The following LDLRAD3 variants were observed in gnomAD, a reference collection of about 807,000 sequenced individuals.
The protein encoded by LDLRAD3 is low-density lipoprotein receptor class A domain-containing protein 3.
Under a neutral mutation model 29.4 loss-of-function variants are expected in LDLRAD3, and 20 were observed. The ratio of observed to expected loss-of-function variants is 0.68; its 90% CI spans 0.48 to 0.99. The LOEUF is 0.99. Ranked by LOEUF, LDLRAD3 falls within the 50% of genes least tolerant of loss-of-function variation. The pLI, the probability that LDLRAD3 is intolerant of heterozygous loss-of-function variation, is 0.00. For missense variants in LDLRAD3, 420 were observed against 454.3 expected (o/e 0.92, Z 0.69); for synonymous variants, 157 against 192.7 (o/e 0.81, Z 1.53).
At chr11:36,128,134 A>ATATATATATATATATATATATATATATG (rs1565242630) in intron 4 of LDLRAD3, among the ~76,000 whole-genome samples, 1 of 121,832 alleles carries the variant, frequency 8.2e-6, no homozygotes, top group African/African-American at 3.1e-5. Context: ...ATATATATAT[A>ATATATATATATATATATATATATATATG]TGTATATGAC....
chr11:36,132,648 CG>C (rs1384758525), intron 4 of LDLRAD3, among the ~76,000 whole-genome samples: 2 of 152,154 alleles, frequency 1.3e-5, no homozygotes, highest in African/African-American at 4.8e-5. Context: ...ATTTTTAATT[CG>C]GGTTTCAGGT....
intron 4 of LDLRAD3, among the ~76,000 whole-genome samples, chr11:36,114,293 G>A (rs549067390): frequency 6.6e-6 from 1 of 152,250 alleles, no homozygotes; most frequent in South Asian, 2.1e-4. Flanking sequence ...GAAATGGGTC[G>A]AGCTGCAACA....
intron 4 of LDLRAD3, among the ~76,000 whole-genome samples, chr11:36,168,824 T>C (rs573503501): frequency 6.6e-6 from 1 of 152,256 alleles, no homozygotes; most frequent in Non-Finnish European, 1.5e-5. Flanking sequence ...GAAATCAGAC[T>C]TCCAGATGTT....
chr11:36,221,230 A>G (rs1168928407), intron 4 of LDLRAD3, among the ~76,000 whole-genome samples: 1 of 152,070 alleles, frequency 6.6e-6, no homozygotes, highest in Non-Finnish European at 1.5e-5. Flanking sequence ...ATGCGCTTAT[A>G]ATCCCAGTTA....
At chr11:36,020,895 G>A (rs1852086616) in intron 1 of LDLRAD3, among the ~76,000 whole-genome samples, 2 of 152,204 alleles carry the variant, frequency 1.3e-5, no homozygotes, top group Admixed American at 1.3e-4. Context: ...CTGGAGCCAG[G>A]AAAGCCAGTA....
chr11:36,143,871 C>T (rs1006738505), intron 4 of LDLRAD3, among the ~76,000 whole-genome samples: 14 of 151,952 alleles, frequency 9.2e-5, no homozygotes, highest in Non-Finnish European at 2.1e-4. Context: ...ACCTTGCCTC[C>T]AAATGCAGTC....
chr11:36,033,842 G>A (rs564841415), intron 1 of LDLRAD3, among the ~76,000 whole-genome samples: 19 of 152,178 alleles, frequency 1.2e-4, no homozygotes, highest in African/African-American at 4.3e-4. Flanking sequence ...GTCTTGAGAG[G>A]GAGTCTCATA....
chr11:36,121,252 A>G lies in LDLRAD3; in HGVS notation c.454+22791A>G, dbSNP rs909508414. ...GGAGAAAATTAGGGGAATGAAATCC[A>G]TAGAAAGGGTTTGCCTAAGTGAGAG... is the stretch of plus-strand genomic sequence containing the variant. On this transcript the variant is annotated intron_variant, in intron 4 of 5. Transcript: ENST00000315571. 2.6e-5 allele frequency among the ~76,000 whole-genome samples: 4 copies of G among 152,194 alleles called. No homozygotes were observed. In the South Asian group the frequency reaches 8.3e-4, roughly 32 times the overall value.
At chr11:36,030,441 TGTGTGTG>T (rs1852222481) in intron 1 of LDLRAD3, among the ~76,000 whole-genome samples, 4 of 6,790 alleles carry the variant, frequency 5.9e-4, no homozygotes, top group African/African-American at 7.4e-4. Context: ...ATGGAGTGTG[TGTGTGTG>T]TGTGTGTGTG....
chr11:36,080,465 G>C (rs1392391323), intron 2 of LDLRAD3, among the ~76,000 whole-genome samples: 2 of 152,182 alleles, frequency 1.3e-5, no homozygotes, highest in African/African-American at 4.8e-5. Flanking sequence ...AGAGAGAGAG[G>C]CAATGCTGTT....
intron 4 of LDLRAD3, among the ~76,000 whole-genome samples, chr11:36,202,327 T>C (rs4755443): frequency 0.88 from 134,175 of 152,170 alleles, 59,306 homozygotes; most frequent in East Asian, 0.97. Flanking sequence ...TGTGAGCCAC[T>C]GCGCCTGGCA....
At position 35,951,031 on chromosome 11, in the gene LDLRAD3, C is replaced by T. The variant is rs528254724; in HGVS notation, c.46+6887C>T. ...CTGGGAAGTGGAGGTTGCAGTGAGC[C>T]GAGATCGTGCCACTGACTCCAGCCT... On this transcript the variant is annotated intron_variant, in intron 1 of 5. Transcript: ENST00000315571. 6.6e-5 allele frequency among the ~76,000 whole-genome samples: 10 copies of T among 151,748 alleles called. No individual in the cohort carries two copies. The South Asian group carries it at 1.3e-3, about 19-fold the overall frequency.
At chr11:36,042,581 C>T (rs1666640587) in intron 2 of LDLRAD3, among the ~76,000 whole-genome samples, 1 of 152,088 alleles carries the variant, frequency 6.6e-6, no homozygotes, top group Non-Finnish European at 1.5e-5. Context: ...GAATTATAGC[C>T]CAGCCTTCCC....
intron 2 of LDLRAD3, among the ~76,000 whole-genome samples, chr11:36,054,974 G>GATGC (rs1852593631): frequency 3.6e-5 from 1 of 27,578 alleles, no homozygotes; most frequent in Admixed American, 3.7e-4. Flanking sequence ...TGGATGCATG[G>GATGC]ATGGATGGAT....
intron 1 of LDLRAD3, among the ~76,000 whole-genome samples, chr11:36,024,066 G>A (rs1363902402): frequency 6.6e-6 from 1 of 152,038 alleles, no homozygotes; most frequent in Non-Finnish European, 1.5e-5. Flanking sequence ...TGACCACCAC[G>A]TTCCAGCTAA....
chr11:36,222,131 A>C (rs1446022990), intron 4 of LDLRAD3, among the ~76,000 whole-genome samples: 1 of 152,142 alleles, frequency 6.6e-6, no homozygotes, highest in Non-Finnish European at 1.5e-5. Context: ...GCATAGTGGC[A>C]TGGTCATAGC....
At chr11:36,173,124 A>G (rs985885063) in intron 4 of LDLRAD3, among the ~76,000 whole-genome samples, 6 of 152,130 alleles carry the variant, frequency 3.9e-5, no homozygotes, top group Non-Finnish European at 8.8e-5. Context: ...AAGGGTATTC[A>G]TAGTAGCCTT....
At chr11:36,172,417 C>T (rs572637953) in intron 4 of LDLRAD3, among the ~76,000 whole-genome samples, 25 of 151,842 alleles carry the variant, frequency 1.6e-4, no homozygotes, top group Middle Eastern at 6.8e-3. Flanking sequence ...CTCGGGGGGA[C>T]TGCTTTCAAC....
intron 3 of LDLRAD3, among the ~76,000 whole-genome samples, chr11:36,087,564 G>T (rs902556409): frequency 2.0e-5 from 3 of 152,140 alleles, no homozygotes; most frequent in Admixed American, 2.0e-4. Flanking sequence ...AAAAGTTAAA[G>T]AAGTGGTTCT....
Sources: gnomAD v4.1 joint callset for allele counts (sites outside exome capture counted in the v4.1 genomes callset) on GRCh38, gnomAD v4.1.1 for gene constraint, MANE v1.5 for transcripts, NCBI Gene and HGNC (gene_info 2026-07-23, HGNC 2026-07-21) for gene names.